CLUAP1: variants seen among roughly 807,000 people sequenced by gnomAD.
CLUAP1 encodes clusterin-associated protein 1.
CLUAP1 carries 50 observed loss-of-function variants against 55.0 expected under a neutral mutation model. That is an observed-to-expected ratio of 0.91 (90% confidence interval 0.72 to 1.15). CLUAP1 has a LOEUF of 1.15. Ranked by LOEUF, CLUAP1 falls within the 50% of genes most tolerant of loss-of-function variation. CLUAP1 has a pLI of 0.00. For synonymous variants in CLUAP1, 195 were observed against 175.4 expected (o/e 1.11, Z -0.88); for missense variants, 530 against 507.6 (o/e 1.04, Z -0.42).
At position 3,536,220 on chromosome 16, in the gene CLUAP1, T is replaced by C; in HGVS notation, c.1191T>C (p.Asn397=). 2 of 1,614,090 alleles carry C rather than the reference T, an allele frequency of 1.2e-6. No homozygotes were observed. Among genetic ancestry groups the C allele is most frequent in the Middle Eastern group, 1.6e-4 (1 of 6,062 alleles). ...TTTCTCTCTCACCAACCAAGCCCAA[T>C]CGAAGGGTCCGGAAATCTGAACCCC... The part of the protein sequence containing the change: ...ESISLSPTKP[N]RRVRKSEPLD... The change falls in exon 12 of 12, where the codon AAT becomes AAC. Residue 397 remains asparagine (N), a synonymous_variant. Transcript: ENST00000576634.
chr16:3,511,340 GACAC>G (rs1210380100), intron 4 of CLUAP1, among the ~76,000 whole-genome samples: 1 of 152,182 alleles, frequency 6.6e-6, no homozygotes, highest in Non-Finnish European at 1.5e-5. Context: ...AAGAAGGGGT[GACAC>G]ACACATCCTA....
chr16:3,502,749 G>T (rs1360356215), intron 1 of CLUAP1, among the ~76,000 whole-genome samples: 5 of 152,154 alleles, frequency 3.3e-5, no homozygotes, highest in African/African-American at 9.7e-5. Context: ...AGAGAGGCCA[G>T]CACCCTGCCG....
Position 3,533,200 on chromosome 16 carries a change from C to A in CLUAP1, c.1092+359C>A. On this transcript the variant is annotated intron_variant, in intron 11 of 11. Coordinates refer to ENST00000576634, the MANE Select transcript of CLUAP1 (RefSeq NM_015041.3). ...TCATGTGTTTGTGGGTGTCTGTCAGCCCTCCCGGGGCCAGCCAGGGGCCTC... is the reference window on the plus strand; with the variant it reads ...TCATGTGTTTGTGGGTGTCTGTCAGACCTCCCGGGGCCAGCCAGGGGCCTC... 3.4e-6 allele frequency: 5 copies of A among 1,490,674 alleles called. 1 individual carries two copies. The South Asian group carries it at 3.6e-5, about 11-fold the overall frequency. The allele number at this position is 1,490,674 out of a possible 1,614,324, so 92.3% of individuals were successfully genotyped here.
intron 10 of CLUAP1, among the ~76,000 whole-genome samples, chr16:3,531,985 C>T (rs930085105): frequency 9.2e-5 from 14 of 152,062 alleles, no homozygotes; most frequent in Middle Eastern, 3.4e-3. Context: ...GTTACAGGCC[C>T]GTGCCACCAC....
intron 5 of CLUAP1, among the ~76,000 whole-genome samples, chr16:3,514,067 G>C (rs147369690): frequency 6.6e-6 from 1 of 152,334 alleles, no homozygotes; most frequent in East Asian, 1.9e-4. Context: ...AGCTAATTCA[G>C]ATGATGAGTA....
chr16:3,521,439 G>GTT (rs947695269), intron 7 of CLUAP1, among the ~76,000 whole-genome samples: 11 of 142,216 alleles, frequency 7.7e-5, no homozygotes, highest in African/African-American at 2.0e-4. Context: ...TTTTGTTTTT[G>GTT]TTTTTTTTTT....
chr16:3,517,806 C>T (rs2037757249), intron 6 of CLUAP1, among the ~76,000 whole-genome samples: 1 of 152,118 alleles, frequency 6.6e-6, no homozygotes, highest in Non-Finnish European at 1.5e-5. Flanking sequence ...TGAGACAAAG[C>T]CGGATTGAGG....
chr16:3,502,442 TAAAAAAA>T lies in CLUAP1; in HGVS notation c.22+1365_22+1371del, dbSNP rs74268721. The stretch of plus-strand genomic sequence containing the variant: ...CTGGCCGACAGAGTGAGACTGTCTT[TAAAAAAA>T]AAAAAAAAAAAGGAAAGGTAGATGA... On this transcript the variant is annotated intron_variant, in intron 1 of 11. Coordinates refer to ENST00000576634, the MANE Select transcript of CLUAP1 (RefSeq NM_015041.3). Among the ~76,000 whole-genome samples, 9 of 129,962 alleles carry T rather than the reference TAAAAAAA, an allele frequency of 6.9e-5. No individual in the cohort carries two copies. In the South Asian group the frequency reaches 7.4e-4, roughly 11 times the overall value. 85.3% of individuals were successfully genotyped at this position (129,962 alleles called of 152,430 possible).
At chr16:3,525,860 C>G (rs571841623) in intron 8 of CLUAP1, among the ~76,000 whole-genome samples, 1 of 152,194 alleles carries the variant, frequency 6.6e-6, no homozygotes, top group Non-Finnish European at 1.5e-5. Flanking sequence ...AGCCACCACG[C>G]CCAGCCCCCA....
chr16:3,509,030 G>C (rs1041593157), intron 4 of CLUAP1, among the ~76,000 whole-genome samples: 1 of 152,056 alleles, frequency 6.6e-6, no homozygotes, highest in Non-Finnish European at 1.5e-5. Context: ...GCCGAGGTGG[G>C]AGGATCCTTT....
intron 8 of CLUAP1, among the ~76,000 whole-genome samples, chr16:3,525,767 A>G (rs761488625): frequency 1.3e-5 from 2 of 152,062 alleles, no homozygotes; most frequent in South Asian, 2.1e-4. Context: ...AGGTTTCCCT[A>G]TGTTGCCCAG....
upstream of CLUAP1, among the ~76,000 whole-genome samples, chr16:3,499,540 A>C (rs572732120): frequency 1.3e-5 from 2 of 152,324 alleles, no homozygotes; most frequent in East Asian, 3.9e-4. Flanking sequence ...AATAGCCTTG[A>C]TCATCTCTTC....
intron 10 of CLUAP1, 40 bp from the exon 11 acceptor site, chr16:3,532,746 C>G: frequency 6.2e-7 from 1 of 1,608,746 alleles, no homozygotes; most frequent in Non-Finnish European, 8.5e-7. Flanking sequence ...CTTTATTTTC[C>G]AAGATTTTTA....
intron 10 of CLUAP1, among the ~76,000 whole-genome samples, chr16:3,532,582 T>A (rs1567442647): frequency 6.8e-6 from 1 of 146,898 alleles, no homozygotes; most frequent in Non-Finnish European, 1.5e-5. Context: ...ACCTGGCTAA[T>A]GTTTAAAAAA....
chr16:3,530,866 T>C (rs2038102208), intron 10 of CLUAP1, among the ~76,000 whole-genome samples, 191 bp downstream of exon 10: 2 of 152,182 alleles, frequency 1.3e-5, no homozygotes, highest in Admixed American at 1.3e-4. Context: ...TCATGTTTGC[T>C]CCTTGTCTGT....
In CLUAP1 at chr16:3,519,975, G is replaced by A. The variant is rs756460228; in HGVS notation, c.652G>A (p.Glu218Lys). ...SDEANLEAKI[E>K]KRKLELERNR... Reference sequence around the variant, plus strand: ...TGAAGCTAATTTAGAAGCCAAAATCGAAAAGAGAAAATTAGAACTGGAAAG... The same window carrying A: ...TGAAGCTAATTTAGAAGCCAAAATCAAAAAGAGAAAATTAGAACTGGAAAG... The change falls in exon 7 of 12, where the codon GAA becomes AAA. Residue 218 changes from glutamate to lysine, a missense_variant. By Grantham distance (56) the Glu-to-Lys change is moderately conservative. Coordinates refer to ENST00000576634, the MANE Select transcript of CLUAP1 (RefSeq NM_015041.3). The A allele has an allele frequency of 6.6e-5, 107 of 1,613,546 alleles. No individual in the cohort carries two copies. The highest frequency in any genetic ancestry group is 6.6e-4 in the Middle Eastern group (4 of 6,084).
chr16:3,529,909 T>C (rs1221189922), intron 9 of CLUAP1, among the ~76,000 whole-genome samples: 2 of 116,534 alleles, frequency 1.7e-5, no homozygotes, highest in Non-Finnish European at 3.3e-5. Flanking sequence ...ATATGTTATA[T>C]AGTTATATAT....
In CLUAP1 at chr16:3,536,849, C is replaced by A. The variant is rs2038242067; in HGVS notation, c.*578C>A. 6.6e-6 allele frequency: 1 copy of A among 152,196 alleles called. No individual in the cohort carries two copies. Among genetic ancestry groups the A allele is most frequent in the Non-Finnish European group, 1.5e-5 (1 of 68,056 alleles). The allele number at this position is 152,196 out of a possible 1,614,324, so 9.4% of individuals were successfully genotyped here. ...CTAAACTTTTCTGAAAGAAGGTTAG[C>A]TAAAGTTAAATGAAAACTTGGTTTC... On this transcript the variant is annotated 3_prime_UTR_variant, in exon 12 of 12. Coordinates refer to ENST00000576634, the MANE Select transcript of CLUAP1 (RefSeq NM_015041.3).
At chr16:3,526,756 G>A (rs1169036575) in intron 9 of CLUAP1, among the ~76,000 whole-genome samples, 1 of 151,948 alleles carries the variant, frequency 6.6e-6, no homozygotes, top group Non-Finnish European at 1.5e-5. Flanking sequence ...TCAAGAGTCT[G>A]GTTTAAATAT....
Sources: allele counts gnomAD v4.1 joint callset (sites outside exome capture counted in the v4.1 genomes callset), GRCh38; gene constraint gnomAD v4.1.1; transcripts MANE v1.5; gene names NCBI Gene and HGNC (gene_info 2026-07-23, HGNC 2026-07-21).